UBE2E1: variants seen among roughly 807,000 people sequenced by gnomAD.
UBE2E1 encodes ubiquitin conjugating enzyme E2 E1.
UBE2E1 carries 6 observed loss-of-function variants against 21.4 expected under a neutral mutation model. The ratio of observed to expected loss-of-function variants is 0.28; its 90% CI spans 0.15 to 0.55. The LOEUF (loss-of-function observed/expected upper bound fraction) is 0.55, where lower values mean the gene tolerates loss of function less well. UBE2E1 is among the 20% of genes least tolerant of loss of function. The pLI is 0.93. For missense variants in UBE2E1, 142 were observed against 236.5 expected (o/e 0.60, Z 2.62); for synonymous variants, 87 against 82.7 (o/e 1.05, Z -0.28).
chr3:23,813,838 G>A (rs1699454390), intron 3 of UBE2E1, among the ~76,000 whole-genome samples: 1 of 152,216 alleles, frequency 6.6e-6, no homozygotes, highest in African/African-American at 2.4e-5. Flanking sequence ...ACTGCACCTG[G>A]CCTTGGGGAT....
chr3:23,820,108 T>C (rs1426639025), intron 3 of UBE2E1, among the ~76,000 whole-genome samples: 1 of 152,170 alleles, frequency 6.6e-6, no homozygotes, highest in African/African-American at 2.4e-5. Context: ...TATGTTAGAG[T>C]TGCTGGCACC....
intron 3 of UBE2E1, among the ~76,000 whole-genome samples, chr3:23,846,493 TTGAAACCAGCTGGCCAACATGG>T (rs1372575642): frequency 6.6e-6 from 1 of 152,022 alleles, no homozygotes; most frequent in African/African-American, 2.4e-5. Context: ...GGTCAGGAGT[TTGAAACCAGCTGGCCAACATGG>T]TGAAACCCCA....
intron 3 of UBE2E1, among the ~76,000 whole-genome samples, chr3:23,840,977 C>T (rs1700073266): frequency 6.6e-6 from 1 of 152,130 alleles, no homozygotes; most frequent in African/African-American, 2.4e-5. Context: ...AGTGGTAGGG[C>T]AGATTTAGTA....
intron 3 of UBE2E1, among the ~76,000 whole-genome samples, chr3:23,813,022 T>G (rs1055604199): frequency 1.3e-5 from 2 of 152,086 alleles, no homozygotes; most frequent in African/African-American, 4.8e-5. Flanking sequence ...TAAGTACACT[T>G]CAGTTTCACA....
chr3:23,882,022 G>A (rs1050152777), intron 3 of UBE2E1, among the ~76,000 whole-genome samples: 1 of 152,174 alleles, frequency 6.6e-6, no homozygotes, highest in African/African-American at 2.4e-5. Context: ...AGACCTTCGC[G>A]GTGAGTGTTA....
At chr3:23,824,459 T>G (rs1699710974) in intron 3 of UBE2E1, among the ~76,000 whole-genome samples, 1 of 152,256 alleles carries the variant, frequency 6.6e-6, no homozygotes, top group Non-Finnish European at 1.5e-5. Context: ...AGAGCCACTC[T>G]TAAAATCTTT....
At chr3:23,851,880 T>C (rs1700333118) in intron 3 of UBE2E1, among the ~76,000 whole-genome samples, 1 of 152,202 alleles carries the variant, frequency 6.6e-6, no homozygotes, top group Non-Finnish European at 1.5e-5. Context: ...ATCCCCAGCA[T>C]TGGAGGTGGG....
chr3:23,835,422 A>G (rs559101095), intron 3 of UBE2E1, among the ~76,000 whole-genome samples: 1 of 152,124 alleles, frequency 6.6e-6, no homozygotes, highest in Non-Finnish European at 1.5e-5. Flanking sequence ...AGCTAGGATC[A>G]TGCCAGTACA....
intron 3 of UBE2E1, among the ~76,000 whole-genome samples, chr3:23,849,528 C>CCCTA (rs1226885136): frequency 6.6e-6 from 1 of 152,128 alleles, no homozygotes; most frequent in Non-Finnish European, 1.5e-5. Context: ...CTCTGACAGG[C>CCCTA]CCTAGTGTGT....
At chr3:23,864,927 C>T (rs1700622462) in intron 3 of UBE2E1, among the ~76,000 whole-genome samples, 1 of 152,212 alleles carries the variant, frequency 6.6e-6, no homozygotes, top group African/African-American at 2.4e-5. Flanking sequence ...GCACCTCTGC[C>T]CTCATCCATG....
intron 3 of UBE2E1, among the ~76,000 whole-genome samples, chr3:23,812,299 A>C (rs1008529086): frequency 6.6e-6 from 1 of 152,200 alleles, no homozygotes; most frequent in African/African-American, 2.4e-5. Context: ...CATACTTTAA[A>C]AATTAAGTAT....
chr3:23,807,142 G>A, intron 1 of UBE2E1, 95 bp from the exon 2 acceptor site: 2 of 1,042,312 alleles, frequency 1.9e-6, no homozygotes, highest in Non-Finnish European at 2.7e-6. Flanking sequence ...GGCCGCGTGC[G>A]CCCCTGGTCA....
At chr3:23,882,683 G>A (rs566881294) in intron 3 of UBE2E1, among the ~76,000 whole-genome samples, 9 of 152,138 alleles carry the variant, frequency 5.9e-5, no homozygotes, top group East Asian at 1.9e-4. Context: ...CCTGCCCCAC[G>A]GGGAGGCAGC....
At chr3:23,807,498 G>A in intron 2 of UBE2E1, 77 bp downstream of exon 2, 1 of 1,557,792 alleles carries the variant, frequency 6.4e-7, no homozygotes, top group Admixed American at 2.0e-5. Context: ...GCCTCCCAAT[G>A]AGGATAGCTT....
rs147890449 is a variant in UBE2E1, at chr3:23,832,410, C to T, written c.203+20900C>T. Among the ~76,000 whole-genome samples the T allele has an allele frequency of 2.9e-3, 437 of 152,116 alleles. 10 individuals are homozygous for T. The East Asian group carries it at 0.044, about 15-fold the overall frequency. On this transcript the variant is annotated intron_variant, in intron 3 of 5. Transcript: ENST00000306627. ...CTGTAATCCCAGCACTTTGGGAGGC[C>T]GAGGTGGGCAGATCACCTGAGCTCG...
intron 3 of UBE2E1, among the ~76,000 whole-genome samples, chr3:23,819,556 C>T (rs951588821): frequency 6.6e-6 from 1 of 152,102 alleles, no homozygotes; most frequent in South Asian, 2.1e-4. Flanking sequence ...TTAAGTTCCT[C>T]GAGAGTAGGG....
chr3:23,825,483 G>A (rs542892469), intron 3 of UBE2E1, among the ~76,000 whole-genome samples: 5 of 152,292 alleles, frequency 3.3e-5, no homozygotes, highest in South Asian at 2.1e-4. Flanking sequence ...TGCTCATGGA[G>A]ATTTTATTCA....
At position 23,847,730 on chromosome 3, in the gene UBE2E1, C is replaced by T. The variant is rs144966988; in HGVS notation, c.203+36220C>T. ...CAGGATGGTCTCGATCTTCTGACCT[C>T]GTGATCCACCCACCTCGGCCTCCCA... On this transcript the variant is annotated intron_variant, in intron 3 of 5. Transcript: ENST00000306627. Among the ~76,000 whole-genome samples, 429 of 152,042 alleles carry T rather than the reference C, an allele frequency of 2.8e-3. 10 individuals carry two copies. The East Asian group carries it at 0.044, about 15-fold the overall frequency.
chr3:23,856,978 G>A (rs1199601460), intron 3 of UBE2E1, among the ~76,000 whole-genome samples: 1 of 147,266 alleles, frequency 6.8e-6, no homozygotes, highest in Non-Finnish European at 1.5e-5. Context: ...ACTCGGCCTG[G>A]GTGACAGAGC....
Sources: allele counts gnomAD v4.1 joint callset (sites outside exome capture counted in the v4.1 genomes callset), GRCh38; gene constraint gnomAD v4.1.1; transcripts MANE v1.5; gene names NCBI Gene and HGNC (gene_info 2026-07-23, HGNC 2026-07-21).